Variants in ZNF136 observed in about 807,000 individuals in gnomAD.
The protein encoded by ZNF136 is zinc finger protein 136 (clone pHZ-20).
In ZNF136, 8 loss-of-function variants were observed where a neutral mutation model predicts 11.4. The observed-to-expected ratio is 0.70, with a 90% CI of 0.41 to 1.27. The LOEUF (loss-of-function observed/expected upper bound fraction) is 1.27, where lower values mean the gene tolerates loss of function less well. Among genes scored for constraint, ZNF136 ranks in the 50% most tolerant of loss-of-function variants. The pLI is 0.01. For synonymous variants in ZNF136, 190 were observed against 207.1 expected (o/e 0.92, Z 0.71); for missense variants, 590 against 656.5 (o/e 0.90, Z 1.11).
chr19:12,186,427 G>A (rs890312087), intron 3 of ZNF136, 143 bp from the exon 4 acceptor site: 1 of 815,970 alleles, frequency 1.2e-6, no homozygotes, highest in African/African-American at 1.7e-5. Context: ...CCATTGCAGA[G>A]CATTGAATTC....
At chr19:12,166,869 G>A (rs60648362) in intron 1 of ZNF136, among the ~76,000 whole-genome samples, 2,047 of 152,294 alleles carry the variant, frequency 0.013, 35 homozygotes, top group Middle Eastern at 0.044. Flanking sequence ...GAAGTGGGTA[G>A]CCTTGACTGG....
At position 12,186,841 on chromosome 19, in the gene ZNF136, T is replaced by G. The variant is rs1915106947; in HGVS notation, c.463T>G (p.Phe155Val). 6.2e-7 allele frequency: 1 copy of G among 1,614,134 alleles called. No individual in the cohort carries two copies. The highest frequency in any genetic ancestry group is 2.2e-5 in the East Asian group (1 of 44,872). The stretch of plus-strand genomic sequence containing the variant: ...GAAACCCTTCAGTTCTCACCACTCC[T>G]TTCGAACACATGAGATAATTCACAC... ...CWKPFSSHHS[F>V]RTHEIIHTGE... Residue 155 changes from phenylalanine (F) to valine (V), a missense_variant, in exon 4 of 4, where the codon TTT becomes GTT. Coordinates refer to ENST00000343979, the MANE Select transcript of ZNF136 (RefSeq NM_003437.5).
At chr19:12,183,772 A>T (rs923179071) in intron 1 of ZNF136, among the ~76,000 whole-genome samples, 2 of 151,902 alleles carry the variant, frequency 1.3e-5, no homozygotes, top group Admixed American at 6.6e-5. Context: ...CTAATTTTTA[A>T]ATTTTTCTGT....
rs1484906220 is a variant in ZNF136, at chr19:12,187,684, C to A, written c.1306C>A (p.Arg436=). 6.2e-7 allele frequency: 1 copy of A among 1,613,986 alleles called. No homozygotes were observed. Residue 436 remains arginine (R), a synonymous_variant, in exon 4 of 4, where the codon CGA becomes AGA. Transcript: ENST00000343979. ...AGCTTTCGTTTCTTCAACATCAATTCGAATACATGAAAGAACTCATACTGG... is the reference window on the plus strand; with the variant it reads ...AGCTTTCGTTTCTTCAACATCAATTAGAATACATGAAAGAACTCATACTGG... The part of the protein sequence containing the change: ...GKAFVSSTSI[R]IHERTHTGEK...
rs930764655 is a variant in ZNF136 at position 12,187,302 on chromosome 19, T to C, written c.924T>C (p.Tyr308=). The C allele has an allele frequency of 6.8e-6, 11 of 1,613,998 alleles. No homozygotes were observed. The highest frequency in any genetic ancestry group is 3.3e-4 in the Middle Eastern group (2 of 6,084). The change falls in exon 4 of 4, where the codon TAT becomes TAC. Residue 308 remains tyrosine, a synonymous_variant. Transcript: ENST00000343979. ...GAACCCATACTGGAGAGAAACCTTATGAATGCAAGCAGTGTGGGAAGGCCT... is the reference window on the plus strand; with the variant it reads ...GAACCCATACTGGAGAGAAACCTTACGAATGCAAGCAGTGTGGGAAGGCCT... ...HERTHTGEKP[Y]ECKQCGKAFS...
intron 1 of ZNF136, among the ~76,000 whole-genome samples, chr19:12,177,288 G>A (rs1914821865): frequency 6.6e-6 from 1 of 152,354 alleles, no homozygotes; most frequent in South Asian, 2.1e-4. Context: ...ATTTTCAAAT[G>A]TGAAAACAGT....
intron 1 of ZNF136, among the ~76,000 whole-genome samples, chr19:12,175,515 T>C (rs907570967): frequency 3.3e-5 from 5 of 152,000 alleles, no homozygotes; most frequent in Admixed American, 2.6e-4. Flanking sequence ...CTTTTTAGAG[T>C]AGTTTTAGGT....
At position 12,168,756 on chromosome 19, in the gene ZNF136, A is replaced by G. The variant is rs1914557403; in HGVS notation, c.3+5550A>G. ...AATGGCAGGATCTCGGCTTCCTGCAACCTCCACCTCCCGGGTTCAAGCGAT... is the reference window on the plus strand; with the variant it reads ...AATGGCAGGATCTCGGCTTCCTGCAGCCTCCACCTCCCGGGTTCAAGCGAT... On this transcript the variant is annotated intron_variant, in intron 1 of 3. Coordinates refer to ENST00000343979, the MANE Select transcript of ZNF136 (RefSeq NM_003437.5). 2.0e-5 allele frequency among the ~76,000 whole-genome samples: 3 copies of G among 151,220 alleles called. No homozygotes were observed. In the South Asian group the frequency reaches 6.3e-4, roughly 32 times the overall value.
At chr19:12,181,771 A>G (rs1009939965) in intron 1 of ZNF136, among the ~76,000 whole-genome samples, 1 of 152,034 alleles carries the variant, frequency 6.6e-6, no homozygotes, top group African/African-American at 2.4e-5. Context: ...AGTAGCTGGG[A>G]CTACAGGCAC....
intron 1 of ZNF136, among the ~76,000 whole-genome samples, chr19:12,169,711 C>G (rs918482366): frequency 4.0e-5 from 6 of 151,828 alleles, no homozygotes; most frequent in Non-Finnish European, 8.8e-5. Context: ...CGGGTTCATG[C>G]GATTCTCCTG....
chr19:12,174,175 G>T (rs1016853340), intron 1 of ZNF136, among the ~76,000 whole-genome samples: 6 of 152,190 alleles, frequency 3.9e-5, no homozygotes, highest in Non-Finnish European at 7.3e-5. Flanking sequence ...AAAGTGCTGA[G>T]ATTACAGGCG....
intron 1 of ZNF136, among the ~76,000 whole-genome samples, chr19:12,171,680 A>ACG (rs1914656683): frequency 8.3e-6 from 1 of 120,960 alleles, no homozygotes; most frequent in Non-Finnish European, 1.6e-5. Context: ...ATTTTGATGG[A>ACG]CTCTTAAATT....
intron 1 of ZNF136, among the ~76,000 whole-genome samples, chr19:12,176,950 T>C (rs1914811316): frequency 6.6e-6 from 1 of 152,198 alleles, no homozygotes; most frequent in East Asian, 1.9e-4. Context: ...GTATGTCTGA[T>C]GGGGAGACAG....
chr19:12,187,898 A>C lies in ZNF136; in HGVS notation c.1520A>C (p.Lys507Thr), dbSNP rs1227327939. 3 of 1,597,368 alleles carry C rather than the reference A, an allele frequency of 1.9e-6. No individual in the cohort carries two copies. The highest frequency in any genetic ancestry group is 2.6e-6 in the Non-Finnish European group (3 of 1,174,726). ...THTGQKPYHC[K>T]ECGKAYSCRA... ...ACTGGACAGAAACCCTATCATTGCA[A>C]GGAATGTGGGAAAGCCTATTCTTGC... The change falls in exon 4 of 4, where the codon AAG (lysine) becomes ACG (threonine). Residue 507 changes from lysine to threonine, a missense_variant. By Grantham distance (78) the Lys-to-Thr change is moderately conservative. Coordinates refer to ENST00000343979, the MANE Select transcript of ZNF136 (RefSeq NM_003437.5).
intron 1 of ZNF136, 91 bp downstream of exon 1, chr19:12,163,297 G>A (rs1907384723): frequency 7.6e-7 from 1 of 1,310,802 alleles, no homozygotes; most frequent in Non-Finnish European, 9.8e-7. Context: ...GCCTTCCCGT[G>A]GGCGACTCTG....
At position 12,188,747 on chromosome 19, in the gene ZNF136, C is replaced by T. The variant is rs1340086668; in HGVS notation, c.*746C>T. 1 of 150,100 alleles carries T rather than the reference C, an allele frequency of 6.7e-6. No homozygotes were observed. Among genetic ancestry groups the T allele is most frequent in the Non-Finnish European group, 1.5e-5 (1 of 67,882 alleles). The allele number at this position is 150,100 out of a possible 1,614,324, so 9.3% of individuals were successfully genotyped here. On this transcript the variant is annotated 3_prime_UTR_variant, in exon 4 of 4. Coordinates refer to ENST00000343979, the MANE Select transcript of ZNF136 (RefSeq NM_003437.5). ...CTGAGGCAGGAGGATCACTTGAGGT[C>T]AGGAGTTTGAGACCAGTGTGCAAAA... is the stretch of plus-strand genomic sequence containing the variant.
At chr19:12,173,535 T>C (rs1914712540) in intron 1 of ZNF136, among the ~76,000 whole-genome samples, 1 of 152,190 alleles carries the variant, frequency 6.6e-6, no homozygotes, top group Non-Finnish European at 1.5e-5. Context: ...ACTGTAACTC[T>C]ACCGGAATGG....
intron 1 of ZNF136, among the ~76,000 whole-genome samples, chr19:12,181,263 G>A (rs1202122785): frequency 6.6e-6 from 1 of 152,084 alleles, no homozygotes; most frequent in Non-Finnish European, 1.5e-5. Flanking sequence ...AGGCCTCCTC[G>A]CCATCAGCAT....
At chr19:12,171,126 C>T (rs766087801) in intron 1 of ZNF136, among the ~76,000 whole-genome samples, 7 of 152,012 alleles carry the variant, frequency 4.6e-5, no homozygotes, top group South Asian at 2.1e-4. Context: ...TGAGCCACTG[C>T]GCCAGGCCCC....
Sources: gnomAD v4.1 joint callset for allele counts (sites outside exome capture counted in the v4.1 genomes callset) on GRCh38, gnomAD v4.1.1 for gene constraint, MANE v1.5 for transcripts, NCBI Gene and HGNC (gene_info 2026-07-23, HGNC 2026-07-21) for gene names.